The following GAL3ST2 variants were observed in gnomAD, a reference collection of about 807,000 sequenced individuals.
The protein encoded by GAL3ST2 is beta-galactose-3-O-sulfotransferase 2.
A neutral mutation model predicts 12.9 loss-of-function variants in GAL3ST2; 16 were observed. That is an observed-to-expected ratio of 1.24 (90% CI 0.84 to 1.88). GAL3ST2 has a LOEUF of 1.88. Among genes scored for constraint, GAL3ST2 ranks in the 40% most tolerant of loss-of-function variants. The pLI, the probability that GAL3ST2 is intolerant of heterozygous loss-of-function variation, is 0.00. For missense variants in GAL3ST2, 639 were observed against 571.8 expected, an observed-to-expected ratio of 1.12 and a Z score of -1.20; for synonymous variants, 302 against 273.9, an observed-to-expected ratio of 1.10 and a Z score of -1.01.
At chr2:241,784,894 T>C (rs1214418639) in intron 1 of GAL3ST2, among the ~76,000 whole-genome samples, 1 of 152,190 alleles carries the variant, frequency 6.6e-6, no homozygotes, top group East Asian at 1.9e-4. Context: ...ACATATGATA[T>C]GGAGAGAACA....
intron 1 of GAL3ST2, among the ~76,000 whole-genome samples, chr2:241,779,358 C>T (rs947077979): frequency 2.0e-5 from 3 of 150,608 alleles, no homozygotes; most frequent in South Asian, 2.1e-4. Flanking sequence ...CTCAGCCTCC[C>T]GAGTAGCTGG....
intron 1 of GAL3ST2, among the ~76,000 whole-genome samples, chr2:241,777,458 C>A (rs1041517302): frequency 2.6e-5 from 4 of 152,140 alleles, no homozygotes; most frequent in Non-Finnish European, 5.9e-5. Context: ...CTCTGCTGTG[C>A]TGTCTCCCTT....
At chr2:241,794,252 C>A (rs1051472571) in intron 1 of GAL3ST2, among the ~76,000 whole-genome samples, 3 of 152,162 alleles carry the variant, frequency 2.0e-5, no homozygotes, top group Admixed American at 2.0e-4. Flanking sequence ...CTGGCCAAGA[C>A]TTTTATTACC....
chr2:241,777,000 G>A lies in GAL3ST2; in HGVS notation c.29+16G>A. Reference sequence around the variant, plus strand: ...GCTTGCAGAGGTAAGGGGGGCAGTTGGACCCCCCAGGTGGACAAAGCGCTT... The same window carrying A: ...GCTTGCAGAGGTAAGGGGGGCAGTTAGACCCCCCAGGTGGACAAAGCGCTT... On this transcript the variant is annotated intron_variant, in intron 1 of 3. Transcript: ENST00000192314. 1 of 1,512,834 alleles carries A rather than the reference G, an allele frequency of 6.6e-7. No homozygotes were observed. Among genetic ancestry groups the A allele is most frequent in the Non-Finnish European group, 8.9e-7 (1 of 1,123,044 alleles). 93.7% of individuals were successfully genotyped at this position (1,512,834 alleles called of 1,614,324 possible).
At chr2:241,786,800 C>A (rs566339524) in intron 1 of GAL3ST2, among the ~76,000 whole-genome samples, 1 of 152,230 alleles carries the variant, frequency 6.6e-6, no homozygotes, top group African/African-American at 2.4e-5. Flanking sequence ...GACATCTCCA[C>A]CCAGAATCCC....
In GAL3ST2 at chr2:241,776,923, C is replaced by T. The variant is rs201963538; in HGVS notation, c.-33C>T. The T allele has an allele frequency of 1.6e-5, 24 of 1,511,278 alleles. No homozygotes were observed. The highest frequency in any genetic ancestry group is 1.1e-4 in the African/African-American group (8 of 71,022). 93.6% of individuals were successfully genotyped at this position (1,511,278 alleles called of 1,614,324 possible). On this transcript the variant is annotated 5_prime_UTR_variant, in exon 1 of 4. Transcript: ENST00000192314. ...TGGGACCTCGGGGGAGCTCAAGCCT[C>T]GACTGTCCCCTCGCTGGAGGCCAGA...
chr2:241,789,349 CTT>C (rs376897659), intron 1 of GAL3ST2, among the ~76,000 whole-genome samples: 7 of 152,250 alleles, frequency 4.6e-5, no homozygotes, highest in African/African-American at 9.6e-5. Flanking sequence ...TTATAATAGA[CTT>C]ATATAATTTT....
chr2:241,796,001 T>C (rs996091766), intron 1 of GAL3ST2, among the ~76,000 whole-genome samples: 1 of 152,200 alleles, frequency 6.6e-6, no homozygotes, highest in African/African-American at 2.4e-5. Context: ...AGCGTGGCTG[T>C]GGTGGCACTG....
Position 241,801,961 on chromosome 2 carries a change from GCGC to G in GAL3ST2, c.301_303del (p.Arg101del). 1 of 1,613,034 alleles carries G rather than the reference GCGC, an allele frequency of 6.2e-7. No homozygotes were observed. The highest frequency in any genetic ancestry group is 8.5e-7 in the Non-Finnish European group (1 of 1,179,944). On this transcript the variant is annotated inframe_deletion, in exon 3 of 4. Transcript: ENST00000192314. This position sits in a 1 kb window ranked among gnomAD's most constrained non-coding sequence, Gnocchi z 4.4. ...TGGGCTACCCCTGGCTCTTCCTGGC[GCGC>G]TACGTGGAAGGCGTGGGGTCGCAGC...
chr2:241,804,105 G>A lies in GAL3ST2; in HGVS notation c.1136G>A (p.Arg379His). The change falls in exon 4 of 4, where the codon CGC becomes CAC. Residue 379 changes from arginine (R) to histidine (H), a missense_variant. By Grantham distance (29) the Arg-to-His change is conservative. Coordinates refer to ENST00000192314, the MANE Select transcript of GAL3ST2 (RefSeq NM_022134.3). Reference sequence around the variant, plus strand: ...ATGCCTGAGCTCCAGTACATGGCCCGCCTGTACGCCCTGCAGTTCCCGGAG... The same window carrying A: ...ATGCCTGAGCTCCAGTACATGGCCCACCTGTACGCCCTGCAGTTCCCGGAG... ...LVMPELQYMA[R>H]LYALQFPEKP... is the part of the protein sequence containing the mutation. The A allele has an allele frequency of 6.6e-7, 1 of 1,519,136 alleles. No homozygotes were observed. Among genetic ancestry groups the A allele is most frequent in the Non-Finnish European group, 8.8e-7 (1 of 1,133,276 alleles). 94.1% of individuals were successfully genotyped at this position (1,519,136 alleles called of 1,614,324 possible). A position where few individuals can be genotyped will look rare whatever the true frequency, so the allele number is the denominator to read the frequency against.
At position 241,804,039 on chromosome 2, in the gene GAL3ST2, G is replaced by C. The variant is rs1253896776; in HGVS notation, c.1070G>C (p.Gly357Ala). 1 of 1,563,140 alleles carries C rather than the reference G, an allele frequency of 6.4e-7. No homozygotes were observed. The highest frequency in any genetic ancestry group is 2.5e-5 in the East Asian group (1 of 40,500). Residue 357 changes from glycine to alanine, a missense_variant, in exon 4 of 4, where the codon GGC becomes GCC. Gly to Ala is a moderately conservative substitution (Grantham distance 60, BLOSUM62 0). Coordinates refer to ENST00000192314, the MANE Select transcript of GAL3ST2 (RefSeq NM_022134.3). ...ADILGYNLRPGLDNQTLGVCQ... is the reference protein window; with the variant it reads ...ADILGYNLRPALDNQTLGVCQ... ...ATCCTGGGTTACAACCTCCGGCCGG[G>C]CCTGGACAACCAGACGCTGGGCGTG...
At chr2:241,789,782 C>G (rs982941478) in intron 1 of GAL3ST2, among the ~76,000 whole-genome samples, 10 of 152,212 alleles carry the variant, frequency 6.6e-5, no homozygotes, top group African/African-American at 2.2e-4. Flanking sequence ...ATTGTTGGAA[C>G]CCGGGAGGCA....
intron 1 of GAL3ST2, among the ~76,000 whole-genome samples, chr2:241,794,589 C>T (rs1032104598): frequency 2.6e-5 from 4 of 152,350 alleles, no homozygotes; most frequent in Admixed American, 6.5e-5. Flanking sequence ...ACCTTCTGGG[C>T]GCTCCCAGTG....
chr2:241,790,198 T>C (rs1699678392), intron 1 of GAL3ST2, among the ~76,000 whole-genome samples: 1 of 152,106 alleles, frequency 6.6e-6, no homozygotes, highest in East Asian at 1.9e-4. Context: ...TTCTTACATA[T>C]AGGATTCTGA....
rs150654629 is a variant in GAL3ST2 at position 241,800,729 on chromosome 2, C to T, written c.120-1052C>T. ...GGGGGAGCAGGGGTCAGCGAGGCAG[C>T]GTCTGGCAGCGGGTGAGCTGCACCT... On this transcript the variant is annotated intron_variant, in intron 2 of 3. Coordinates refer to ENST00000192314, the MANE Select transcript of GAL3ST2 (RefSeq NM_022134.3). The surrounding 1 kb of genome is among the most constrained non-coding windows in gnomAD (Gnocchi z 5.2). Among the ~76,000 whole-genome samples, 1,302 of 152,220 alleles carry T rather than the reference C, an allele frequency of 8.6e-3. 7 individuals carry two copies. The highest frequency in any genetic ancestry group is 0.013 in the Non-Finnish European group (897 of 68,014).
chr2:241,787,170 G>T (rs1044236019), intron 1 of GAL3ST2, among the ~76,000 whole-genome samples: 2 of 152,104 alleles, frequency 1.3e-5, no homozygotes, highest in African/African-American at 2.4e-5. Flanking sequence ...TCTTGCATAT[G>T]TTGATTGATG....
At chr2:241,782,330 A>T (rs1371149890) in intron 1 of GAL3ST2, among the ~76,000 whole-genome samples, 2 of 150,556 alleles carry the variant, frequency 1.3e-5, no homozygotes, top group South Asian at 2.1e-4. Context: ...TTTTATTTTT[A>T]TTTATTTATT....
At chr2:241,787,043 T>G (rs1313208876) in intron 1 of GAL3ST2, among the ~76,000 whole-genome samples, 2 of 152,082 alleles carry the variant, frequency 1.3e-5, no homozygotes, top group Admixed American at 1.3e-4. Context: ...AATCAGAAAC[T>G]CAAAAGAATG....
In GAL3ST2 at chr2:241,782,145, G is replaced by A. The variant is rs114319214; in HGVS notation, c.29+5161G>A. On this transcript the variant is annotated intron_variant, in intron 1 of 3. Coordinates refer to ENST00000192314, the MANE Select transcript of GAL3ST2 (RefSeq NM_022134.3). ...TGCTTCAAGAAAACCTTGTTAATCT[G>A]GCACAGGCCCATATGCTGGTCTTGC... 8.2e-3 allele frequency among the ~76,000 whole-genome samples: 1,245 copies of A among 152,204 alleles called. 16 individuals are homozygous for A. The highest frequency in any genetic ancestry group is 0.027 in the African/African-American group (1,108 of 41,520).
Sources: gnomAD v4.1 joint callset for allele counts (sites outside exome capture counted in the v4.1 genomes callset) on GRCh38, gnomAD v4.1.1 for gene constraint, Gnocchi (gnomAD v3.1) non-coding constraint, MANE v1.5 for transcripts, NCBI Gene and HGNC (gene_info 2026-07-23, HGNC 2026-07-21) for gene names.